The following ANAPC4 variants were observed in gnomAD, a reference collection of about 807,000 sequenced individuals.
The protein encoded by ANAPC4 is anaphase promoting complex subunit 4.
ANAPC4 carries 63 observed loss-of-function variants against 119.8 expected under a neutral mutation model. The ratio of observed to expected loss-of-function variants is 0.53; its 90% CI spans 0.43 to 0.65. The LOEUF (loss-of-function observed/expected upper bound fraction) is 0.65, where lower values mean the gene tolerates loss of function less well. Ranked by LOEUF, ANAPC4 falls within the 30% of genes least tolerant of loss-of-function variation. The pLI is 0.00. For missense variants in ANAPC4, 716 were observed against 945.1 expected (o/e 0.76, Z 3.18); for synonymous variants, 283 against 318.6 (o/e 0.89, Z 1.19).
intron 6 of ANAPC4, 25 bp downstream of exon 6, chr4:25,388,768 C>G (rs1241337672): frequency 3.7e-6 from 6 of 1,606,900 alleles, no homozygotes; most frequent in Non-Finnish European, 4.3e-6. Flanking sequence ...TTCTTGTTTT[C>G]AAGTAAGATA....
chr4:25,394,708 G>A lies in ANAPC4; in HGVS notation c.979G>A (p.Val327Ile), dbSNP rs1722541164. 1.2e-6 allele frequency: 2 copies of A among 1,604,258 alleles called. No individual in the cohort carries two copies. The highest frequency in any genetic ancestry group is 1.7e-6 in the Non-Finnish European group (2 of 1,177,416). The change falls in exon 13 of 29, where the codon GTA becomes ATA. Residue 327 changes from valine (V) to isoleucine (I), a missense_variant. Transcript: ENST00000315368. ...LQTLLMNQLTVKGLKKLGQSI... is the reference protein window; with the variant it reads ...LQTLLMNQLTIKGLKKLGQSI... ...GACTCTCTTGATGAATCAGTTAACA[G>A]TAAAGGTGCAGTTAATGTATCTATG... is the stretch of plus-strand genomic sequence containing the variant.
intron 21 of ANAPC4, 23 bp downstream of exon 21, chr4:25,409,814 T>A: frequency 6.3e-7 from 1 of 1,579,992 alleles, no homozygotes; most frequent in Non-Finnish European, 8.7e-7. Context: ...CCAACCAGAT[T>A]TTGGCCATTT....
intron 2 of ANAPC4, 41 bp downstream of exon 2, chr4:25,377,597 C>T: frequency 6.5e-7 from 1 of 1,539,968 alleles, no homozygotes; most frequent in Non-Finnish European, 8.7e-7. Context: ...TGGGTCTGCT[C>T]CCGGGGGGCC....
In ANAPC4 at chr4:25,415,476, A is replaced by G; in HGVS notation, c.1837A>G (p.Asn613Asp). The G allele has an allele frequency of 1.9e-6, 3 of 1,612,776 alleles. No individual in the cohort carries two copies. The highest frequency in any genetic ancestry group is 2.2e-5 in the East Asian group (1 of 44,830). Residue 613 changes from asparagine to aspartate, a missense_variant, in exon 26 of 29, where the codon AAT becomes GAT. Asn to Asp is a conservative substitution (Grantham distance 23). Around this residue, in one of 3 missense-constraint regions of ANAPC4, gnomAD observed 504 missense variants for 615.8 expected, o/e 0.82. Transcript: ENST00000315368. ...RHTDISQSVS[N>D]GLIAIKFGSF... ...CCTTCTTTCTTGAAGATCTGTGAGTAATGGACTAATTGCTATTAAATTTGG... is the reference window on the plus strand; with the variant it reads ...CCTTCTTTCTTGAAGATCTGTGAGTGATGGACTAATTGCTATTAAATTTGG...
intron 4 of ANAPC4, among the ~76,000 whole-genome samples, chr4:25,383,594 A>T (rs1248730361): frequency 6.6e-6 from 1 of 151,978 alleles, no homozygotes; most frequent in Non-Finnish European, 1.5e-5. Flanking sequence ...CCTCAGAGAT[A>T]TTGTGGGCTT....
intron 17 of ANAPC4, among the ~76,000 whole-genome samples, chr4:25,404,106 G>A (rs1006969427): frequency 1.4e-4 from 22 of 152,244 alleles, no homozygotes; most frequent in African/African-American, 5.1e-4. Context: ...CCTGTAATGT[G>A]CTGATATCCT....
intron 16 of ANAPC4, among the ~76,000 whole-genome samples, chr4:25,398,694 G>C: frequency 6.6e-6 from 1 of 152,092 alleles, no homozygotes; most frequent in East Asian, 1.9e-4. Context: ...TCAGAGTTGA[G>C]AATAGCTCAT....
At chr4:25,394,524 T>G (rs1722530042) in intron 12 of ANAPC4, 147 bp from the exon 13 acceptor site, 3 of 1,014,788 alleles carry the variant, frequency 3.0e-6, no homozygotes, top group Non-Finnish European at 4.3e-6. Context: ...ACTTACGGGG[T>G]ATATGTGATG....
chr4:25,389,663 C>A (rs1247740780), intron 7 of ANAPC4, among the ~76,000 whole-genome samples: 4 of 152,072 alleles, frequency 2.6e-5, no homozygotes, highest in African/African-American at 9.7e-5. Flanking sequence ...ATTGTGTGGC[C>A]TTTCGTTTTA....
At chr4:25,401,692 C>T (rs989204089) in intron 16 of ANAPC4, among the ~76,000 whole-genome samples, 8 of 152,186 alleles carry the variant, frequency 5.3e-5, no homozygotes, top group African/African-American at 7.2e-5. Flanking sequence ...ATCAGTCTTC[C>T]GTCACTTTTG....
intron 10 of ANAPC4, among the ~76,000 whole-genome samples, chr4:25,393,508 A>G (rs1560435571): frequency 6.6e-6 from 1 of 152,028 alleles, no homozygotes; most frequent in Non-Finnish European, 1.5e-5. Flanking sequence ...CTAAAAATAC[A>G]AAAATTAGCT....
rs965368473 is a variant in ANAPC4 at position 25,394,359 on chromosome 4, T to C, written c.926T>C (p.Leu309Ser). The change falls in exon 12 of 29, where the codon TTA becomes TCA. Residue 309 changes from leucine to serine, a missense_variant. Around this residue, in one of 3 missense-constraint regions of ANAPC4, gnomAD observed 504 missense variants for 615.8 expected, o/e 0.82. Transcript: ENST00000315368. ...SVQDEFMHLLLWGKASAELQT... is the reference protein window; with the variant it reads ...SVQDEFMHLLSWGKASAELQT... The stretch of plus-strand genomic sequence containing the variant: ...CAAGATGAGTTCATGCACTTGCTAT[T>C]ATGGGGGAAAGCAAGGTAATAAACT... 6.3e-7 allele frequency: 1 copy of C among 1,579,202 alleles called. No individual in the cohort carries two copies. Among genetic ancestry groups the C allele is most frequent in the Admixed American group, 2.1e-5 (1 of 48,366 alleles).
chr4:25,408,514 C>A (rs186782549), intron 20 of ANAPC4, among the ~76,000 whole-genome samples: 17 of 143,690 alleles, frequency 1.2e-4, no homozygotes, highest in African/African-American at 4.3e-4. Context: ...GGGGCAGATG[C>A]AGGTTTTCCA....
chr4:25,389,247 C>A (rs1722209584), intron 7 of ANAPC4, among the ~76,000 whole-genome samples: 1 of 151,926 alleles, frequency 6.6e-6, no homozygotes, highest in East Asian at 1.9e-4. Context: ...CAACCTCCGC[C>A]TTCCTGGTTC....
intron 21 of ANAPC4, among the ~76,000 whole-genome samples, chr4:25,411,915 T>C (rs2109143180): frequency 6.6e-6 from 1 of 152,112 alleles, no homozygotes; most frequent in South Asian, 2.1e-4. Context: ...GAATTACAGA[T>C]AGTTAGCGCA....
At chr4:25,414,243 A>G (rs1359103092) in intron 22 of ANAPC4, 81 bp from the exon 23 acceptor site, 4 of 988,944 alleles carry the variant, frequency 4.0e-6, no homozygotes, top group Non-Finnish European at 4.3e-6. Flanking sequence ...ACATTCGAAC[A>G]GTGATGGTCA....
intron 4 of ANAPC4, among the ~76,000 whole-genome samples, chr4:25,385,845 G>A (rs977366824): frequency 1.3e-5 from 2 of 152,206 alleles, no homozygotes; most frequent in Non-Finnish European, 2.9e-5. Flanking sequence ...AGGGAGGCCT[G>A]TGCAAAGGAA....
rs1216810411 is a variant in ANAPC4 at position 25,406,871 on chromosome 4, G to C, written c.1360G>C (p.Glu454Gln). The C allele has an allele frequency of 6.2e-7, 1 of 1,601,904 alleles. No individual in the cohort carries two copies. The change falls in exon 19 of 29, where the codon GAA becomes CAA. Residue 454 changes from glutamate to glutamine, a missense_variant. Glu to Gln is a conservative substitution (Grantham distance 29, BLOSUM62 2). Transcript: ENST00000315368. ...CACATTTGTTGCTGAATTTCTTACT[G>C]AACATTTCAATGAGGTAAGAAGTTG... Reference protein sequence around the residue: ...DITFVAEFLTEHFNEAPDLYN... With the variant: ...DITFVAEFLTQHFNEAPDLYN...
At chr4:25,404,568 A>G (rs1409465280) in intron 17 of ANAPC4, among the ~76,000 whole-genome samples, 1 of 152,106 alleles carries the variant, frequency 6.6e-6, no homozygotes, top group African/African-American at 2.4e-5. Flanking sequence ...CTTACTACAT[A>G]TTCTAACTGT....
Sources: allele counts gnomAD v4.1 joint callset (sites outside exome capture counted in the v4.1 genomes callset), GRCh38; gene constraint gnomAD v4.1.1; regional missense constraint gnomAD v4.1.1; transcripts MANE v1.5; gene names NCBI Gene and HGNC (gene_info 2026-07-23, HGNC 2026-07-21).